Variants in BTBD9 observed in about 807,000 individuals in gnomAD.
The protein encoded by BTBD9 is BTB/POZ domain-containing protein 9.
A neutral mutation model predicts 64.3 loss-of-function variants in BTBD9; 49 were observed. The ratio of observed to expected loss-of-function variants is 0.76; its 90% CI spans 0.61 to 0.97. BTBD9 has a LOEUF of 0.97. Among genes scored for constraint, BTBD9 ranks in the 50% least tolerant of loss-of-function variants. The pLI, the probability that BTBD9 is intolerant of heterozygous loss-of-function variation, is 0.00. For missense variants in BTBD9, 598 were observed against 762.1 expected (o/e 0.78, Z 2.53); for synonymous variants, 260 against 274.7 (o/e 0.95, Z 0.53).
chr6:38,190,198 G>A (rs1012906686), intron 10 of BTBD9, among the ~76,000 whole-genome samples: 7 of 151,808 alleles, frequency 4.6e-5, no homozygotes, highest in Non-Finnish European at 8.8e-5. Flanking sequence ...CAGCGTGGTG[G>A]CTCATGCCTG....
At chr6:38,613,976 C>A (rs1215053409) in intron 1 of BTBD9, among the ~76,000 whole-genome samples, 2 of 152,172 alleles carry the variant, frequency 1.3e-5, no homozygotes, top group Non-Finnish European at 2.9e-5. Flanking sequence ...ACGCTTACCA[C>A]CATAAAAACA....
In BTBD9 at chr6:38,171,864, AAAAAAAAAAAAAAAAAAATAAT is replaced by A. The variant is rs1226017854; in HGVS notation, c.*3099_*3120del. 1.0e-5 allele frequency: 1 copy of A among 98,652 alleles called. No individual in the cohort carries two copies. Among genetic ancestry groups the A allele is most frequent in the Admixed American group, 9.7e-5 (1 of 10,278 alleles). 6.1% of individuals were successfully genotyped at this position (98,652 alleles called of 1,614,324 possible). On this transcript the variant is annotated 3_prime_UTR_variant, in exon 11 of 11. Coordinates refer to ENST00000481247, the MANE Select transcript of BTBD9 (RefSeq NM_001099272.2). The stretch of plus-strand genomic sequence containing the variant: ...CTACTCTCAAAAAAAAAAAAAAAAA[AAAAAAAAAAAAAAAAAAATAAT>A]AATAATAATAATAATAATAATAATG...
intron 6 of BTBD9, among the ~76,000 whole-genome samples, chr6:38,472,781 A>G (rs900040733): frequency 6.6e-6 from 1 of 152,140 alleles, no homozygotes; most frequent in African/African-American, 2.4e-5. Context: ...AAGATCTATA[A>G]TCCTGCTCAA....
At chr6:38,630,913 C>T (rs943091931) in intron 1 of BTBD9, among the ~76,000 whole-genome samples, 1 of 152,178 alleles carries the variant, frequency 6.6e-6, no homozygotes. Flanking sequence ...GCCATGCAGC[C>T]CAATGTCACT....
chr6:38,350,915 T>A (rs1277371277), intron 6 of BTBD9, among the ~76,000 whole-genome samples: 1 of 152,244 alleles, frequency 6.6e-6, no homozygotes, highest in African/African-American at 2.4e-5. Context: ...CAAATAATTC[T>A]CTAACCCAAG....
intron 6 of BTBD9, among the ~76,000 whole-genome samples, chr6:38,514,028 T>A (rs1772898573): frequency 6.6e-6 from 1 of 152,142 alleles, no homozygotes; most frequent in Non-Finnish European, 1.5e-5. Context: ...GTGACAGTGA[T>A]GAGAGAAGCA....
chr6:38,425,666 G>T (rs1461641548), intron 6 of BTBD9, among the ~76,000 whole-genome samples: 1 of 151,504 alleles, frequency 6.6e-6, no homozygotes, highest in Non-Finnish European at 1.5e-5. Context: ...AGCACTTTGG[G>T]AGGCTGAGGT....
At chr6:38,627,422 AAG>A (rs1460082380) in intron 1 of BTBD9, among the ~76,000 whole-genome samples, 1 of 152,230 alleles carries the variant, frequency 6.6e-6, no homozygotes, top group Non-Finnish European at 1.5e-5. Context: ...ATATGGGCTT[AAG>A]AATAAACATT....
intron 9 of BTBD9, among the ~76,000 whole-genome samples, chr6:38,232,651 T>C (rs1418161393): frequency 6.6e-6 from 1 of 151,538 alleles, no homozygotes; most frequent in Non-Finnish European, 1.5e-5. Flanking sequence ...TTTTTTCACA[T>C]AAACCTTTCG....
At chr6:38,349,319 A>G (rs1038013311) in intron 6 of BTBD9, among the ~76,000 whole-genome samples, 1 of 152,218 alleles carries the variant, frequency 6.6e-6, no homozygotes, top group Admixed American at 6.5e-5. Flanking sequence ...GGATACCATT[A>G]AACAGAAATT....
rs1766807750 is a variant in BTBD9, at chr6:38,171,911, G to GAAAAA, written c.*3073_*3074insTTTTT. 9.9e-6 allele frequency: 1 copy of GAAAAA among 101,046 alleles called. No individual in the cohort carries two copies. The allele number at this position is 101,046 out of a possible 1,614,324, so 6.3% of individuals were successfully genotyped here. A position where few individuals can be genotyped will look rare whatever the true frequency, so the allele number is the denominator to read the frequency against. ...TAATAATAATAATAATAATAATAAT[G>GAAAAA]AAAAGTGAAGGGTGGGGGTGCTGGC... On this transcript the variant is annotated 3_prime_UTR_variant, in exon 11 of 11. Coordinates refer to ENST00000481247, the MANE Select transcript of BTBD9 (RefSeq NM_001099272.2).
chr6:38,267,622 C>A (rs1284608552), intron 8 of BTBD9, among the ~76,000 whole-genome samples: 1 of 152,206 alleles, frequency 6.6e-6, no homozygotes, highest in African/African-American at 2.4e-5. Flanking sequence ...ATGCCTTACA[C>A]ATCATAAGCT....
At chr6:38,253,947 A>G (rs918309956) in intron 9 of BTBD9, among the ~76,000 whole-genome samples, 1 of 150,260 alleles carries the variant, frequency 6.7e-6, no homozygotes, top group Non-Finnish European at 1.5e-5. Flanking sequence ...TCTGTGCTCC[A>G]CTGGGAAGTG....
chr6:38,537,329 C>T (rs1774067084), intron 6 of BTBD9, among the ~76,000 whole-genome samples: 1 of 152,184 alleles, frequency 6.6e-6, no homozygotes, highest in Non-Finnish European at 1.5e-5. Flanking sequence ...CTATGAAGTG[C>T]TTAGATATAC....
chr6:38,450,302 A>C (rs1769467700), intron 6 of BTBD9, among the ~76,000 whole-genome samples: 1 of 152,196 alleles, frequency 6.6e-6, no homozygotes, highest in African/African-American at 2.4e-5. Flanking sequence ...TAGTCAAAGA[A>C]TACATATTTA....
chr6:38,526,587 T>C (rs891943599), intron 6 of BTBD9, among the ~76,000 whole-genome samples: 1 of 152,178 alleles, frequency 6.6e-6, no homozygotes, highest in Non-Finnish European at 1.5e-5. Flanking sequence ...AAGCCACAGA[T>C]ACCAGACACC....
intron 6 of BTBD9, among the ~76,000 whole-genome samples, chr6:38,524,484 T>A (rs924454888): frequency 6.6e-6 from 1 of 152,164 alleles, no homozygotes; most frequent in Non-Finnish European, 1.5e-5. Context: ...TAAATCAATG[T>A]TTATTTAACA....
At chr6:38,459,365 C>G (rs963406477) in intron 6 of BTBD9, among the ~76,000 whole-genome samples, 2 of 152,212 alleles carry the variant, frequency 1.3e-5, no homozygotes, top group African/African-American at 4.8e-5. Context: ...TATCCATGAG[C>G]TCTCCCACAA....
chr6:38,388,870 A>G (rs1262860416), intron 6 of BTBD9, among the ~76,000 whole-genome samples: 1 of 152,240 alleles, frequency 6.6e-6, no homozygotes, highest in Non-Finnish European at 1.5e-5. Context: ...AAAGAGGTTA[A>G]CAAATTGTGC....
Sources: gnomAD v4.1 joint callset for allele counts (sites outside exome capture counted in the v4.1 genomes callset) on GRCh38, gnomAD v4.1.1 for gene constraint, MANE v1.5 for transcripts, NCBI Gene and HGNC (gene_info 2026-07-23, HGNC 2026-07-21) for gene names.